The following LRFN2 variants were observed in gnomAD, a reference collection of about 807,000 sequenced individuals.
The protein encoded by LRFN2 is leucine-rich repeat and fibronectin type-III domain-containing protein 2.
Under a neutral mutation model 37.3 loss-of-function variants are expected in LRFN2, and 18 were observed. That is an observed-to-expected ratio of 0.48 (90% CI 0.33 to 0.72). LRFN2 has a LOEUF of 0.72. Ranked by LOEUF, LRFN2 falls within the 30% of genes least tolerant of loss-of-function variation. LRFN2 has a pLI of 0.02. For missense variants in LRFN2, 1,006 were observed against 1,060.7 expected, an observed-to-expected ratio of 0.95 and a Z score of 0.72; for synonymous variants, 556 against 466.6, an observed-to-expected ratio of 1.19 and a Z score of -2.47.
At chr6:40,487,736 G>T (rs2113867753) in intron 1 of LRFN2, among the ~76,000 whole-genome samples, 1 of 152,350 alleles carries the variant, frequency 6.6e-6, no homozygotes, top group African/African-American at 2.4e-5. Context: ...TACATGTCAG[G>T]ATGAAACCAA....
chr6:40,515,890 A>C (rs205519), intron 1 of LRFN2, among the ~76,000 whole-genome samples: 90,444 of 134,014 alleles, frequency 0.67, 31,614 homozygotes, highest in African/African-American at 0.87. Context: ...GAGACTCCAT[A>C]TCAAAAAAAA....
intron 2 of LRFN2, among the ~76,000 whole-genome samples, chr6:40,403,873 A>G (rs978824179): frequency 6.6e-6 from 1 of 152,154 alleles, no homozygotes; most frequent in Non-Finnish European, 1.5e-5. Flanking sequence ...CACAGGCCCC[A>G]GACAATCTGC....
rs66745321 is a variant in LRFN2, at chr6:40,463,670, A to ATTTTTTTTTT, written c.-18-30549_-18-30540dup. Among the ~76,000 whole-genome samples, 29 of 76,534 alleles carry ATTTTTTTTTT rather than the reference A, an allele frequency of 3.8e-4. 1 individual carries two copies. Among genetic ancestry groups the ATTTTTTTTTT allele is most frequent in the Admixed American group, 7.9e-4 (4 of 5,082 alleles). 50.2% of individuals were successfully genotyped at this position (76,534 alleles called of 152,430 possible). A position where few individuals can be genotyped will look rare whatever the true frequency, so the allele number is the denominator to read the frequency against. On this transcript the variant is annotated intron_variant, in intron 1 of 2. Transcript: ENST00000338305. ...TACATCATACTATTTCTTTCTTTCT[A>ATTTTTTTTTT]TTTTTTTTTTTTTTTTTTTTTTTTG... is the stretch of plus-strand genomic sequence containing the variant.
Position 40,432,633 on chromosome 6 carries a change from G to C in LRFN2, c.481C>G (p.Leu161Val), listed in dbSNP as rs946040413. 1.9e-6 allele frequency: 3 copies of C among 1,614,110 alleles called. No homozygotes were observed. The change falls in exon 2 of 3, where the codon CTC (leucine) becomes GTC (valine). Residue 161 changes from leucine to valine, a missense_variant. Leu to Val is a conservative substitution (Grantham distance 32, BLOSUM62 1). This residue lies in a region of LRFN2 where 185 missense variants were observed against 254.9 expected (regional missense o/e 0.73). Coordinates refer to ENST00000338305, the MANE Select transcript of LRFN2 (RefSeq NM_020737.3). The stretch of plus-strand genomic sequence containing the variant: ...ACGGAGTCCCACGGCAGGCCATGGA[G>C]GTTGTTGTAGGAGAGGTCCAGATCC... ...LEDLDLSYNN[L>V]HGLPWDSVRR...
intron 1 of LRFN2, among the ~76,000 whole-genome samples, chr6:40,500,951 C>CT (rs5875720): frequency 0.015 from 2,144 of 139,828 alleles, 47 homozygotes; most frequent in African/African-American, 0.049. Flanking sequence ...TGTTTTTTCA[C>CT]TTTTTTTTTT....
At chr6:40,478,465 C>G (rs1020357510) in intron 1 of LRFN2, among the ~76,000 whole-genome samples, 3 of 152,168 alleles carry the variant, frequency 2.0e-5, no homozygotes, top group Admixed American at 2.0e-4. Flanking sequence ...CCTTATTATA[C>G]ACATGGGGGA....
chr6:40,540,432 C>T (rs940443014), intron 1 of LRFN2, among the ~76,000 whole-genome samples: 2 of 152,154 alleles, frequency 1.3e-5, no homozygotes, highest in African/African-American at 4.8e-5. Context: ...CCCCAAGCAT[C>T]AGACCTTCAG....
At chr6:40,453,290 G>A (rs1764155821) in intron 1 of LRFN2, among the ~76,000 whole-genome samples, 1 of 152,160 alleles carries the variant, frequency 6.6e-6, no homozygotes, top group Non-Finnish European at 1.5e-5. Context: ...GGGCAAAGGA[G>A]AAACTAATTG....
At chr6:40,491,504 G>GTC (rs202212436) in intron 1 of LRFN2, among the ~76,000 whole-genome samples, 3,752 of 130,400 alleles carry the variant, frequency 0.029, 47 homozygotes, top group East Asian at 0.076. Flanking sequence ...CTCTCTGAGT[G>GTC]TGTTTCCCTC....
chr6:40,547,293 CAG>C (rs1485457450), intron 1 of LRFN2, among the ~76,000 whole-genome samples: 1 of 151,964 alleles, frequency 6.6e-6, no homozygotes, highest in Non-Finnish European at 1.5e-5. Context: ...TTAGTAGAGA[CAG>C]AGTTTCACCA....
intron 2 of LRFN2, among the ~76,000 whole-genome samples, chr6:40,402,375 A>G (rs569634331): frequency 3.9e-5 from 6 of 152,336 alleles, no homozygotes; most frequent in Non-Finnish European, 5.9e-5. Flanking sequence ...GCTGTATTAC[A>G]TTGAATTGAA....
chr6:40,434,538 G>A (rs1051138584), intron 1 of LRFN2, among the ~76,000 whole-genome samples: 10 of 150,454 alleles, frequency 6.6e-5, no homozygotes, highest in African/African-American at 9.8e-5. Context: ...GCGCAGTGGC[G>A]CAATCTTGGC....
intron 1 of LRFN2, among the ~76,000 whole-genome samples, chr6:40,526,552 T>C (rs568355330): frequency 6.6e-6 from 1 of 152,278 alleles, no homozygotes; most frequent in East Asian, 1.9e-4. Flanking sequence ...CCTGGAGCTC[T>C]GGGGGTTCCA....
At chr6:40,457,707 G>T (rs1175905791) in intron 1 of LRFN2, among the ~76,000 whole-genome samples, 1 of 151,580 alleles carries the variant, frequency 6.6e-6, no homozygotes, top group Non-Finnish European at 1.5e-5. Flanking sequence ...ACCTGAAGGT[G>T]CCATGATTTA....
intron 1 of LRFN2, among the ~76,000 whole-genome samples, chr6:40,463,828 C>T (rs913491244): frequency 2.0e-5 from 3 of 152,038 alleles, no homozygotes; most frequent in Non-Finnish European, 4.4e-5. Flanking sequence ...AGGCATGCAC[C>T]ACCGTGCCCA....
chr6:40,395,232 G>A (rs945362093), intron 2 of LRFN2, among the ~76,000 whole-genome samples: 1 of 152,180 alleles, frequency 6.6e-6, no homozygotes, highest in African/African-American at 2.4e-5. Context: ...CTCAGAGAGG[G>A]TAAGTGATCT....
chr6:40,535,849 T>A (rs994813871), intron 1 of LRFN2, among the ~76,000 whole-genome samples: 1 of 151,902 alleles, frequency 6.6e-6, no homozygotes, highest in African/African-American at 2.4e-5. Flanking sequence ...AAAGCTTCCT[T>A]TGATGTGCAC....
At chr6:40,435,046 TATATATAGAGAG>T (rs1319236362) in intron 1 of LRFN2, among the ~76,000 whole-genome samples, 47 of 81,192 alleles carry the variant, frequency 5.8e-4, no homozygotes, top group South Asian at 1.6e-3. Context: ...TATATATATA[TATATATAGAGAG>T]AGAGAGAGAG....
intron 1 of LRFN2, among the ~76,000 whole-genome samples, chr6:40,556,842 C>T (rs1332064135): frequency 6.6e-6 from 1 of 152,072 alleles, no homozygotes; most frequent in Non-Finnish European, 1.5e-5. Flanking sequence ...CCAAGTTTGA[C>T]CCACTCACAG....
Sources: gnomAD v4.1 joint callset for allele counts (sites outside exome capture counted in the v4.1 genomes callset) on GRCh38, gnomAD v4.1.1 for gene constraint, gnomAD v4.1.1 regional missense constraint, MANE v1.5 for transcripts, NCBI Gene and HGNC (gene_info 2026-07-23, HGNC 2026-07-21) for gene names.